PTPN3: variants seen among roughly 807,000 people sequenced by gnomAD.
PTPN3 encodes the protein protein tyrosine phosphatase non-receptor type 3.
PTPN3 carries 96 observed loss-of-function variants against 132.7 expected under a neutral mutation model. The ratio of observed to expected loss-of-function variants is 0.72; its 90% CI spans 0.61 to 0.86. The LOEUF is 0.86. PTPN3 is among the 40% of genes least tolerant of loss of function. The probability of loss-of-function intolerance (pLI) is 0.00; values close to 1 mark genes in which losing one functional copy is unlikely to be tolerated. For synonymous variants in PTPN3, 398 were observed against 429.0 expected (o/e 0.93, Z 0.89); for missense variants, 1,125 against 1,159.6 (o/e 0.97, Z 0.43).
the PTPN3 span, among the ~76,000 whole-genome samples, chr9:109,516,834 C>T: frequency 6.6e-6 from 1 of 152,134 alleles, no homozygotes; most frequent in African/African-American, 2.4e-5. Flanking sequence ...AGAGGTAGAC[C>T]TGGTTACTGA....
intron 22 of PTPN3, among the ~76,000 whole-genome samples, chr9:109,387,396 G>A (rs1038076187): frequency 6.6e-6 from 1 of 152,164 alleles, no homozygotes; most frequent in Non-Finnish European, 1.5e-5. Context: ...GCTTTGTGCT[G>A]CCTCAAACCT....
chr9:109,389,897 T>C (rs1839917158), intron 21 of PTPN3, among the ~76,000 whole-genome samples: 1 of 152,246 alleles, frequency 6.6e-6, no homozygotes, highest in African/African-American at 2.4e-5. Context: ...TTGAAATGTT[T>C]TGAAATGAAT....
chr9:109,510,574 A>AAAAAAAAATAT, the PTPN3 span, among the ~76,000 whole-genome samples: 1 of 49,202 alleles, frequency 2.0e-5, no homozygotes, highest in African/African-American at 7.0e-5. Context: ...AAAAAAAAAA[A>AAAAAAAAATAT]AAATATATAT....
At chr9:109,502,418 G>A (rs150266785), upstream of PTPN3, among the ~76,000 whole-genome samples, 1 of 152,322 alleles carries the variant, frequency 6.6e-6, no homozygotes, top group Admixed American at 6.5e-5. Context: ...AAATACATGG[G>A]CAAGTGGTGC....
chr9:109,499,032 T>C (rs530078066), upstream of PTPN3, among the ~76,000 whole-genome samples: 91 of 152,110 alleles, frequency 6.0e-4, no homozygotes, highest in African/African-American at 2.1e-3. Context: ...CATTTAACAG[T>C]GATTTATCCA....
chr9:109,392,407 A>C (rs933666983), intron 19 of PTPN3, among the ~76,000 whole-genome samples: 2 of 151,524 alleles, frequency 1.3e-5, no homozygotes, highest in African/African-American at 4.9e-5. Flanking sequence ...AAAATTTGGG[A>C]AATTCAGACT....
intron 7 of PTPN3, among the ~76,000 whole-genome samples, chr9:109,442,863 G>A (rs1430612889): frequency 1.3e-5 from 2 of 152,142 alleles, no homozygotes; most frequent in East Asian, 3.9e-4. Context: ...GCAAGACCTA[G>A]GTATATGGCT....
chr9:109,490,007 C>T (rs1416078526), intron 1 of PTPN3, among the ~76,000 whole-genome samples: 2 of 151,186 alleles, frequency 1.3e-5, no homozygotes, highest in East Asian at 3.9e-4. Flanking sequence ...CATGGCAAAA[C>T]CTCATCTCTA....
intron 1 of PTPN3, among the ~76,000 whole-genome samples, chr9:109,482,989 C>A (rs1847031043): frequency 6.6e-6 from 1 of 152,262 alleles, no homozygotes; most frequent in Non-Finnish European, 1.5e-5. Flanking sequence ...TCAGGAAGAG[C>A]TGCTATCCAT....
chr9:109,523,361 G>A, the PTPN3 span, among the ~76,000 whole-genome samples: 1 of 152,272 alleles, frequency 6.6e-6, no homozygotes, highest in East Asian at 1.9e-4. Flanking sequence ...TGGTCCGCCT[G>A]CCTTGGCCTC....
intron 4 of PTPN3, among the ~76,000 whole-genome samples, chr9:109,456,595 G>A (rs772079627): frequency 6.6e-6 from 1 of 152,194 alleles, no homozygotes; most frequent in Non-Finnish European, 1.5e-5. Flanking sequence ...GGGGAACAAT[G>A]CTGGCAATGT....
In PTPN3 at chr9:109,383,486, C is replaced by T. The variant is rs1192846876; in HGVS notation, c.2319G>A (p.Gln773=). 1 of 1,614,084 alleles carries T rather than the reference C, an allele frequency of 6.2e-7. No individual in the cohort carries two copies. The highest frequency in any genetic ancestry group is 8.5e-7 in the Non-Finnish European group (1 of 1,180,024). ...CGATGGTGCAGTCCTCTGACTGACA[C>T]TGGATGTGAAAGCCGCCGTGGTTCA... ...DVMNHGGFHI[Q]CQSEDCTIAY... Residue 773 remains glutamine (Q), a synonymous_variant, in exon 23 of 26, where the codon CAG becomes CAA. Coordinates refer to ENST00000374541, the MANE Select transcript of PTPN3 (RefSeq NM_002829.4).
At chr9:109,385,381 G>A (rs1389883092) in intron 22 of PTPN3, among the ~76,000 whole-genome samples, 2 of 152,214 alleles carry the variant, frequency 1.3e-5, no homozygotes, top group Non-Finnish European at 1.5e-5. Context: ...GAGGGGCGAT[G>A]ATTCTGAAGC....
At chr9:109,452,468 C>A (rs1027631771) in intron 5 of PTPN3, among the ~76,000 whole-genome samples, 2 of 151,910 alleles carry the variant, frequency 1.3e-5, no homozygotes, top group African/African-American at 2.4e-5. Flanking sequence ...CATGTACATA[C>A]ATACATAATC....
chr9:109,454,362 TACTTGGATCA>T, intron 5 of PTPN3, 124 bp downstream of exon 5: 1 of 778,256 alleles, frequency 1.3e-6, no homozygotes, highest in South Asian at 1.7e-5. Flanking sequence ...CCCAGATTTT[TACTTGGATCA>T]TCATTGTTGG....
At chr9:109,432,377 C>A (rs1397477896) in intron 10 of PTPN3, among the ~76,000 whole-genome samples, 1 of 152,104 alleles carries the variant, frequency 6.6e-6, no homozygotes, top group African/African-American at 2.4e-5. Flanking sequence ...TTGTCCTTTT[C>A]CATCTGCATC....
At chr9:109,383,613 C>A in intron 22 of PTPN3, 62 bp from the exon 23 acceptor site, 1 of 1,588,670 alleles carries the variant, frequency 6.3e-7, no homozygotes. Context: ...AAGCAGTTAA[C>A]CCTGGACAGG....
chr9:109,471,776 G>A (rs1371258213), intron 1 of PTPN3, among the ~76,000 whole-genome samples: 1 of 151,956 alleles, frequency 6.6e-6, no homozygotes, highest in African/African-American at 2.4e-5. Context: ...AAGAAGCTGG[G>A]ACTACAAATG....
chr9:109,497,847 G>T (rs1294659779), intron 1 of PTPN3, among the ~76,000 whole-genome samples: 1 of 151,686 alleles, frequency 6.6e-6, no homozygotes, highest in Non-Finnish European at 1.5e-5. Context: ...CCCGAGCCGG[G>T]GTCGCGGCGG....
Sources: gnomAD v4.1 joint callset for allele counts (sites outside exome capture counted in the v4.1 genomes callset) on GRCh38, gnomAD v4.1.1 for gene constraint, MANE v1.5 for transcripts, NCBI Gene and HGNC (gene_info 2026-07-23, HGNC 2026-07-21) for gene names.